COL22A1: variants seen among roughly 807,000 people sequenced by gnomAD.
COL22A1 encodes the protein collagen type XXII alpha 1 chain, also known as collagen alpha-1(XXII) chain.
Under a neutral mutation model 248.9 loss-of-function variants are expected in COL22A1, and 221 were observed. That is an observed-to-expected ratio of 0.89 (90% CI 0.80 to 0.99). COL22A1 has a LOEUF of 0.99. Ranked by LOEUF, COL22A1 falls within the 50% of genes least tolerant of loss-of-function variation. The pLI, the probability that COL22A1 is intolerant of heterozygous loss-of-function variation, is 0.00. For missense variants in COL22A1, 2,240 were observed against 2,179.0 expected (o/e 1.03, Z -0.56); for synonymous variants, 891 against 793.4 (o/e 1.12, Z -2.07).
intron 3 of COL22A1, among the ~76,000 whole-genome samples, chr8:138,867,536 G>A (rs1451711872): frequency 6.6e-6 from 1 of 152,134 alleles, no homozygotes. Flanking sequence ...CAAGGAAACC[G>A]AGGCTCAGAG....
At chr8:138,720,425 G>C (rs1249093752) in intron 27 of COL22A1, among the ~76,000 whole-genome samples, 1 of 152,020 alleles carries the variant, frequency 6.6e-6, no homozygotes, top group Non-Finnish European at 1.5e-5. Context: ...CGGCTCTCAA[G>C]GGGGTGGGGG....
chr8:138,747,631 C>T (rs1453809820), intron 22 of COL22A1, among the ~76,000 whole-genome samples: 1 of 152,178 alleles, frequency 6.6e-6, no homozygotes, highest in Non-Finnish European at 1.5e-5. Context: ...TGGGGCCTTC[C>T]TGCATCACCT....
Position 138,901,358 on chromosome 8 carries a change from G to GTTTTT in COL22A1, c.-73+12256_-73+12260dup, listed in dbSNP as rs146670099. On this transcript the variant is annotated intron_variant, in intron 1 of 64. Transcript: ENST00000303045. ...CCTCAGATCCACTCATTACTGGCAG[G>GTTTTT]TTTTTTTTTTGTTTTTTTTTTTTTT... Among the ~76,000 whole-genome samples, 547 of 131,272 alleles carry GTTTTT rather than the reference G, an allele frequency of 4.2e-3. 6 individuals carry two copies. Among genetic ancestry groups the GTTTTT allele is most frequent in the Middle Eastern group, 8.1e-3 (2 of 246 alleles). 86.1% of individuals were successfully genotyped at this position (131,272 alleles called of 152,430 possible).
At chr8:138,852,681 T>C (rs922058660) in intron 3 of COL22A1, among the ~76,000 whole-genome samples, 14 of 152,048 alleles carry the variant, frequency 9.2e-5, no homozygotes, top group African/African-American at 3.4e-4. Context: ...CCTCACAGCC[T>C]CCAATCTTGA....
intron 16 of COL22A1, among the ~76,000 whole-genome samples, chr8:138,763,948 G>A (rs185577053): frequency 1.4e-4 from 21 of 152,280 alleles, no homozygotes; most frequent in East Asian, 1.9e-4. Flanking sequence ...TGGTTCTTCC[G>A]TTCCTGGAGC....
chr8:138,773,019 C>A (rs2131471872), intron 16 of COL22A1, among the ~76,000 whole-genome samples: 1 of 152,382 alleles, frequency 6.6e-6, no homozygotes, highest in Middle Eastern at 3.4e-3. Context: ...GACACTGAGG[C>A]TGGGGACAGG....
chr8:138,696,240 G>T (rs1827492568), intron 32 of COL22A1, among the ~76,000 whole-genome samples: 1 of 152,146 alleles, frequency 6.6e-6, no homozygotes, highest in Admixed American at 6.5e-5. Flanking sequence ...ACCTGCTACT[G>T]TCCCAAATCC....
At chr8:138,859,088 T>C (rs1240453124) in intron 3 of COL22A1, among the ~76,000 whole-genome samples, 1 of 152,162 alleles carries the variant, frequency 6.6e-6, no homozygotes, top group Non-Finnish European at 1.5e-5. Context: ...CATCCACATA[T>C]CCTGCCTCTT....
At position 138,685,269 on chromosome 8, in the gene COL22A1, C is replaced by T; in HGVS notation, c.2906G>A (p.Arg969Lys). Residue 969 changes from arginine (R) to lysine (K), a missense_variant, in exon 38 of 65, where the codon AGG becomes AAG. Transcript: ENST00000303045. ...EEGSPGPVGP[R>K]GDPGAPGLPG... Reference sequence around the variant, plus strand: ...GAGCCCAGGAGCACCAGGATCTCCCCTGGGACCAACTGGCCCTGGGCTGCC... The same window carrying T: ...GAGCCCAGGAGCACCAGGATCTCCCTTGGGACCAACTGGCCCTGGGCTGCC... 2 of 1,613,992 alleles carry T rather than the reference C, an allele frequency of 1.2e-6. No individual in the cohort carries two copies. The highest frequency in any genetic ancestry group is 1.7e-6 in the Non-Finnish European group (2 of 1,179,944).
chr8:138,596,993 T>C (rs765663620), intron 61 of COL22A1, 23 bp from the exon 62 acceptor site: 1 of 1,598,140 alleles, frequency 6.3e-7, no homozygotes, highest in South Asian at 1.1e-5. Flanking sequence ...GAAGGTGGAG[T>C]CATTCATCTT....
Position 138,591,379 on chromosome 8 carries a change from A to T in COL22A1, c.4693+45T>A, listed in dbSNP as rs777686059. The T allele has an allele frequency of 1.4e-6, 2 of 1,428,554 alleles. 1 individual carries two copies. 88.5% of individuals were successfully genotyped at this position (1,428,554 alleles called of 1,614,324 possible). A position where few individuals can be genotyped will look rare whatever the true frequency, so the allele number is the denominator to read the frequency against. On this transcript the variant is annotated intron_variant, in intron 64 of 64. Transcript: ENST00000303045. ...CCACGGGCAGGGGTGCTGGGTCTCCAGGGTAGCTCACACCCTACCCCTGAG... is the reference window on the plus strand; with the variant it reads ...CCACGGGCAGGGGTGCTGGGTCTCCTGGGTAGCTCACACCCTACCCCTGAG...
chr8:138,811,903 T>C lies in COL22A1; in HGVS notation c.1345A>G (p.Thr449Ala). 6.4e-7 allele frequency: 1 copy of C among 1,553,402 alleles called. No homozygotes were observed. Among genetic ancestry groups the C allele is most frequent in the Non-Finnish European group, 8.7e-7 (1 of 1,149,034 alleles). The change falls in exon 9 of 65, where the codon ACA becomes GCA. Residue 449 changes from threonine (T) to alanine (A), a missense_variant. Physicochemically the swap from Thr to Ala is moderately conservative, Grantham distance 58 (BLOSUM62 0). Transcript: ENST00000303045. Reference sequence around the variant, plus strand: ...GGTGGGGGTGGAGGTGGAGGCTCTGTCACCACGGTCACCTGGCACTGGAAG... The same window carrying C: ...GGTGGGGGTGGAGGTGGAGGCTCTGCCACCACGGTCACCTGGCACTGGAAG... ...PSGPCQVTVV[T>A]EPPPPPPPQR...
rs567467741 is a variant in COL22A1 at position 138,653,311 on chromosome 8, A to G, written c.3333+2586T>C. 2.6e-5 allele frequency among the ~76,000 whole-genome samples: 4 copies of G among 152,320 alleles called. No homozygotes were observed. The East Asian group carries it at 7.7e-4, about 29-fold the overall frequency. Reference sequence around the variant, plus strand: ...TCTCTATGTGACAGGCAGAGAACTCACTAGCTGCCTGGACTTCATCAGATA... The same window carrying G: ...TCTCTATGTGACAGGCAGAGAACTCGCTAGCTGCCTGGACTTCATCAGATA... On this transcript the variant is annotated intron_variant, in intron 45 of 64. Transcript: ENST00000303045.
chr8:138,899,783 C>A (rs1423191616), intron 1 of COL22A1, among the ~76,000 whole-genome samples: 2 of 152,142 alleles, frequency 1.3e-5, no homozygotes, highest in South Asian at 4.1e-4. Context: ...CTCTGCCTCC[C>A]AAAATGCTAG....
At chr8:138,690,665 G>A (rs1826771018) in intron 36 of COL22A1, among the ~76,000 whole-genome samples, 156 bp downstream of exon 36, 1 of 152,140 alleles carries the variant, frequency 6.6e-6, no homozygotes. Flanking sequence ...TGAACTTTCT[G>A]GGTGGTCTAT....
chr8:138,904,130 A>G (rs1814820005), intron 1 of COL22A1, among the ~76,000 whole-genome samples: 1 of 152,102 alleles, frequency 6.6e-6, no homozygotes. Flanking sequence ...TGTTGCTCTT[A>G]GCAGGGCCCA....
intron 30 of COL22A1, among the ~76,000 whole-genome samples, chr8:138,708,248 G>A (rs966989543): frequency 5.9e-5 from 9 of 152,122 alleles, no homozygotes; most frequent in Non-Finnish European, 1.2e-4. Flanking sequence ...TCCCCATCAA[G>A]CTACCAATGA....
chr8:138,597,606 A>T (rs1005391259), intron 61 of COL22A1, among the ~76,000 whole-genome samples: 1 of 152,214 alleles, frequency 6.6e-6, no homozygotes, highest in Non-Finnish European at 1.5e-5. Context: ...AGCTGTCCTC[A>T]GGCTGTACAG....
intron 4 of COL22A1, among the ~76,000 whole-genome samples, chr8:138,835,045 C>T (rs763564466): frequency 1.3e-4 from 20 of 152,102 alleles, no homozygotes; most frequent in South Asian, 4.1e-4. Context: ...ACAGGGAAGG[C>T]GCTCCGGGAG....
Sources: gnomAD v4.1 joint callset for allele counts (sites outside exome capture counted in the v4.1 genomes callset) on GRCh38, gnomAD v4.1.1 for gene constraint, MANE v1.5 for transcripts, NCBI Gene and HGNC (gene_info 2026-07-23, HGNC 2026-07-21) for gene names.